CSMD1: variants seen among roughly 807,000 people sequenced by gnomAD.
The protein encoded by CSMD1 is CUB and Sushi multiple domains 1.
A neutral mutation model predicts 417.5 loss-of-function variants in CSMD1; 213 were observed. The ratio of observed to expected loss-of-function variants is 0.51; its 90% CI spans 0.46 to 0.57. The LOEUF is 0.57. Among genes scored for constraint, CSMD1 ranks in the 20% least tolerant of loss-of-function variants. CSMD1 has a pLI of 0.00. For missense variants in CSMD1, 6,923 were observed against 4,529.7 expected, an observed-to-expected ratio of 1.53 and a Z score of -15.17; for synonymous variants, 2,862 against 1,736.8, an observed-to-expected ratio of 1.65 and a Z score of -16.11.
intron 1 of CSMD1, among the ~76,000 whole-genome samples, chr8:4,769,791 G>A (rs769988048): frequency 6.6e-6 from 1 of 152,004 alleles, no homozygotes; most frequent in Non-Finnish European, 1.5e-5. Context: ...GAATTGCCAC[G>A]TTTAGCATTT....
rs761839993 is a variant in CSMD1 at position 4,038,420 on chromosome 8, G to A, written c.416-6321C>T. Among the ~76,000 whole-genome samples, 102 of 152,234 alleles carry A rather than the reference G, an allele frequency of 6.7e-4. 3 individuals are homozygous for A. Among genetic ancestry groups the A allele is most frequent in the Non-Finnish European group, 2.2e-4 (15 of 68,008 alleles). The stretch of plus-strand genomic sequence containing the variant: ...TTGCTAGGTCTATGCAAAGATTCAA[G>A]ACACACACAGACACAAATATTACCA... On this transcript the variant is annotated intron_variant, in intron 3 of 69. Transcript: ENST00000635120.
chr8:4,116,793 G>A (rs976488743), intron 3 of CSMD1, among the ~76,000 whole-genome samples: 1 of 151,162 alleles, frequency 6.6e-6, no homozygotes, highest in African/African-American at 2.4e-5. Flanking sequence ...CGGTTTTGCT[G>A]TCAACCTAAA....
intron 10 of CSMD1, among the ~76,000 whole-genome samples, chr8:3,548,610 A>T (rs1397089437): frequency 6.6e-6 from 1 of 150,774 alleles, no homozygotes; most frequent in Admixed American, 6.6e-5. Context: ...CCAGGTTGCT[A>T]TGAATGCCAT....
intron 1 of CSMD1, among the ~76,000 whole-genome samples, chr8:4,835,302 G>C (rs1800412956): frequency 6.6e-6 from 1 of 152,166 alleles, no homozygotes; most frequent in African/African-American, 2.4e-5. Context: ...GATTACGTTT[G>C]AAAAGAGTGG....
chr8:4,097,515 C>T (rs77901156), intron 3 of CSMD1, among the ~76,000 whole-genome samples: 8,845 of 152,172 alleles, frequency 0.058, 500 homozygotes, highest in East Asian at 0.27. Flanking sequence ...TGTCTTGTTG[C>T]CCCTGGTGTG....
intron 5 of CSMD1, among the ~76,000 whole-genome samples, chr8:3,866,595 T>C (rs746694794): frequency 1.4e-4 from 21 of 151,952 alleles, no homozygotes; most frequent in East Asian, 1.9e-4. Context: ...AAACACCTTA[T>C]AGTCTCTTCT....
chr8:4,284,069 C>A (rs1176569390), intron 3 of CSMD1, among the ~76,000 whole-genome samples: 1 of 151,944 alleles, frequency 6.6e-6, no homozygotes, highest in Non-Finnish European at 1.5e-5. Flanking sequence ...CTGGTCTCTA[C>A]TAAAAATACA....
chr8:3,658,284 T>A (rs1009267392), intron 7 of CSMD1, among the ~76,000 whole-genome samples: 1 of 152,076 alleles, frequency 6.6e-6, no homozygotes, highest in Non-Finnish European at 1.5e-5. Flanking sequence ...TATCAATGAT[T>A]GTATTTGTGT....
At chr8:4,872,418 G>A (rs1298577369) in intron 1 of CSMD1, among the ~76,000 whole-genome samples, 2 of 151,978 alleles carry the variant, frequency 1.3e-5, no homozygotes, top group South Asian at 4.1e-4. Flanking sequence ...GATAGCAGGT[G>A]AGTTCCTATG....
At chr8:4,274,721 G>A (rs1308629556) in intron 3 of CSMD1, among the ~76,000 whole-genome samples, 10 of 152,068 alleles carry the variant, frequency 6.6e-5, no homozygotes, top group East Asian at 3.9e-4. Context: ...ATAATACATA[G>A]CATTTCTTGT....
At chr8:2,939,357 A>AT (rs1193578328) in intron 69 of CSMD1, among the ~76,000 whole-genome samples, 4 of 152,212 alleles carry the variant, frequency 2.6e-5, no homozygotes, top group African/African-American at 9.6e-5. Flanking sequence ...ACAAAAAGTT[A>AT]TTTTTTATTT....
intron 3 of CSMD1, among the ~76,000 whole-genome samples, chr8:4,194,779 A>C (rs1004124346): frequency 4.6e-5 from 7 of 152,108 alleles, no homozygotes; most frequent in African/African-American, 1.7e-4. Context: ...TAAAACATTC[A>C]CAACCTTCAT....
intron 2 of CSMD1, among the ~76,000 whole-genome samples, chr8:4,446,102 G>T (rs1467207851): frequency 2.0e-5 from 3 of 152,180 alleles, no homozygotes; most frequent in African/African-American, 7.2e-5. Flanking sequence ...ACTGTAGACA[G>T]CAAGTTGTGA....
chr8:4,227,220 G>A (rs1175066829), intron 3 of CSMD1, among the ~76,000 whole-genome samples: 2 of 152,106 alleles, frequency 1.3e-5, no homozygotes, highest in South Asian at 2.1e-4. Flanking sequence ...AGTACTGCAT[G>A]ACCCGATGAG....
chr8:2,985,399 T>C lies in CSMD1; in HGVS notation c.8378-6599A>G, dbSNP rs558409484. Among the ~76,000 whole-genome samples the C allele has an allele frequency of 2.6e-5, 4 of 151,508 alleles. No homozygotes were observed. The South Asian group carries it at 8.4e-4, about 32-fold the overall frequency. ...CTGTGGTGTGATACTGCTACACTGC[T>C]TCACCACGTGAGGGAGGAGACTGGT... On this transcript the variant is annotated intron_variant, in intron 54 of 69. Transcript: ENST00000635120.
chr8:4,915,897 G>A (rs773916279), intron 1 of CSMD1, among the ~76,000 whole-genome samples: 2 of 152,188 alleles, frequency 1.3e-5, no homozygotes, highest in Admixed American at 6.5e-5. Context: ...TAAGTGCCAG[G>A]CAGGAGTGGC....
At chr8:3,338,253 C>T (rs149767925) in intron 23 of CSMD1, among the ~76,000 whole-genome samples, 1 of 152,176 alleles carries the variant, frequency 6.6e-6, no homozygotes, top group Non-Finnish European at 1.5e-5. Context: ...GGCATCCACG[C>T]CTCTATGCCC....
intron 3 of CSMD1, among the ~76,000 whole-genome samples, chr8:4,176,517 G>A (rs1165696894): frequency 3.3e-5 from 5 of 151,864 alleles, no homozygotes; most frequent in East Asian, 1.9e-4. Context: ...CCTTCACTGT[G>A]ACATATCAAT....
At chr8:4,821,988 C>G (rs1053910821) in intron 1 of CSMD1, among the ~76,000 whole-genome samples, 2 of 151,986 alleles carry the variant, frequency 1.3e-5, no homozygotes, top group South Asian at 2.1e-4. Flanking sequence ...AATAAAGTTC[C>G]TCTGTAATGC....
Sources: allele counts gnomAD v4.1 joint callset (sites outside exome capture counted in the v4.1 genomes callset), GRCh38; gene constraint gnomAD v4.1.1; transcripts MANE v1.5; gene names NCBI Gene and HGNC (gene_info 2026-07-23, HGNC 2026-07-21).